The following CPEB3 variants were observed in gnomAD, a reference collection of about 807,000 sequenced individuals.
The protein encoded by CPEB3 is cytoplasmic polyadenylation element-binding protein 3.
In CPEB3, 20 loss-of-function variants were observed where a neutral mutation model predicts 67.2. The observed-to-expected ratio is 0.30, with a 90% CI of 0.21 to 0.43. The LOEUF (loss-of-function observed/expected upper bound fraction) is 0.43. CPEB3 is among the 20% of genes least tolerant of loss of function. CPEB3 has a pLI of 1.00. For synonymous variants in CPEB3, 376 were observed against 393.1 expected (o/e 0.96, Z 0.51); for missense variants, 746 against 968.6 (o/e 0.77, Z 3.05).
chr10:92,149,223 G>A (rs1019176173), intron 4 of CPEB3, among the ~76,000 whole-genome samples: 3 of 152,088 alleles, frequency 2.0e-5, no homozygotes, highest in Non-Finnish European at 2.9e-5. Context: ...TATTTTGAAC[G>A]ACACTAACTC....
chr10:92,175,459 G>A (rs1215363002), intron 4 of CPEB3, among the ~76,000 whole-genome samples: 1 of 151,882 alleles, frequency 6.6e-6, no homozygotes, highest in Non-Finnish European at 1.5e-5. Flanking sequence ...TAAATTCCCA[G>A]GAGAACTCCC....
In CPEB3 at chr10:92,075,281, C is replaced by T. The variant is rs1842891944; in HGVS notation, c.1869+6039G>A. 3.9e-5 allele frequency among the ~76,000 whole-genome samples: 6 copies of T among 152,136 alleles called. No individual in the cohort carries two copies. The South Asian group carries it at 1.2e-3, about 31-fold the overall frequency. Reference sequence around the variant, plus strand: ...GAGCACAGGTTAAATAAGTAGGATCCTCTCTATATTATGAGCTGAATAATT... The same window carrying T: ...GAGCACAGGTTAAATAAGTAGGATCTTCTCTATATTATGAGCTGAATAATT... On this transcript the variant is annotated intron_variant, in intron 9 of 9. Transcript: ENST00000265997.
At chr10:92,275,267 G>GT (rs1841928305) in intron 1 of CPEB3, among the ~76,000 whole-genome samples, 1 of 152,154 alleles carries the variant, frequency 6.6e-6, no homozygotes, top group Admixed American at 6.6e-5. Flanking sequence ...TCAGACGCCT[G>GT]TAACATCCCT....
At chr10:92,255,491 C>T (rs1229073713) in intron 1 of CPEB3, among the ~76,000 whole-genome samples, 11 of 152,188 alleles carry the variant, frequency 7.2e-5, no homozygotes, top group Admixed American at 6.5e-4. Context: ...AAGATGCCTT[C>T]CCAAGATTCC....
chr10:92,147,505 C>T (rs1313972126), intron 4 of CPEB3, among the ~76,000 whole-genome samples: 1 of 151,962 alleles, frequency 6.6e-6, no homozygotes, highest in African/African-American at 2.4e-5. Flanking sequence ...TTAAAGGAAC[C>T]CTTTACCATA....
intron 7 of CPEB3, among the ~76,000 whole-genome samples, chr10:92,095,465 CTCTTAAA>C (rs1487176699): frequency 6.6e-6 from 1 of 151,886 alleles, no homozygotes; most frequent in Non-Finnish European, 1.5e-5. Context: ...TCTGGTTTCT[CTCTTAAA>C]TCTAAGCCCA....
rs576097680 is a variant in CPEB3 at position 92,145,403 on chromosome 10, C to T, written c.1223-318G>A. On this transcript the variant is annotated intron_variant, in intron 4 of 9. Coordinates refer to ENST00000265997, the MANE Select transcript of CPEB3 (RefSeq NM_014912.5). Reference sequence around the variant, plus strand: ...CAGCACTTTGGGAGGCTGAGGTGGGCGCATCACCTGAGGTCAGGAGTTCGA... The same window carrying T: ...CAGCACTTTGGGAGGCTGAGGTGGGTGCATCACCTGAGGTCAGGAGTTCGA... Among the ~76,000 whole-genome samples the T allele has an allele frequency of 8.5e-5, 13 of 152,098 alleles. No individual in the cohort carries two copies. The South Asian group carries it at 2.5e-3, about 29-fold the overall frequency.
At chr10:92,223,862 C>T (rs914118170) in intron 2 of CPEB3, among the ~76,000 whole-genome samples, 14 of 151,908 alleles carry the variant, frequency 9.2e-5, no homozygotes, top group Non-Finnish European at 1.6e-4. Context: ...AATTCTCCTG[C>T]CTCAGCCTCC....
chr10:92,242,023 A>C (rs1167448222), intron 1 of CPEB3, among the ~76,000 whole-genome samples: 1 of 152,254 alleles, frequency 6.6e-6, no homozygotes, highest in Non-Finnish European at 1.5e-5. Flanking sequence ...AATTATTGTT[A>C]AAATCAACAT....
chr10:92,146,527 C>G (rs1322531268), intron 4 of CPEB3, among the ~76,000 whole-genome samples: 1 of 151,758 alleles, frequency 6.6e-6, no homozygotes, highest in Non-Finnish European at 1.5e-5. Context: ...GTCACAACAG[C>G]CAACTCTAAA....
At chr10:92,191,209 C>T (rs1032019249) in intron 3 of CPEB3, among the ~76,000 whole-genome samples, 2 of 151,918 alleles carry the variant, frequency 1.3e-5, no homozygotes, top group East Asian at 1.9e-4. Context: ...TGAGAACAGC[C>T]TGGCCAACAT....
chr10:92,147,480 A>G (rs1298549894), intron 4 of CPEB3, among the ~76,000 whole-genome samples: 2 of 152,010 alleles, frequency 1.3e-5, no homozygotes, highest in Non-Finnish European at 2.9e-5. Context: ...AACTTACTCC[A>G]GCATTACCCA....
chr10:92,145,276 C>T (rs112822404), intron 4 of CPEB3, among the ~76,000 whole-genome samples, 191 bp from the exon 5 acceptor site: 22 of 152,190 alleles, frequency 1.4e-4, no homozygotes, highest in African/African-American at 4.6e-4. Flanking sequence ...AACTTTTTAT[C>T]ATCATTTTTG....
In CPEB3 at chr10:92,240,137, G is replaced by C; in HGVS notation, c.214C>G (p.Gln72Glu). 6.4e-7 allele frequency: 1 copy of C among 1,569,914 alleles called. No homozygotes were observed. The highest frequency in any genetic ancestry group is 2.3e-5 in the East Asian group (1 of 42,862). Reference sequence around the variant, plus strand: ...CCTGGCAGGAGCGGTGATTCCATCTGCATCTTGTCCGGGCCGTTGGGGGCC... The same window carrying C: ...CCTGGCAGGAGCGGTGATTCCATCTCCATCTTGTCCGGGCCGTTGGGGGCC... ...PPAPNGPDKM[Q>E]MESPLLPGLS... The change falls in exon 2 of 10, where the codon CAG (glutamine) becomes GAG (glutamate). Residue 72 changes from glutamine (Q) to glutamate (E), a missense_variant. By Grantham distance (29) the Gln-to-Glu change is conservative. Transcript: ENST00000265997.
chr10:92,228,031 C>T (rs1021895054), intron 2 of CPEB3, among the ~76,000 whole-genome samples: 1 of 152,110 alleles, frequency 6.6e-6, no homozygotes, highest in Admixed American at 6.6e-5. Flanking sequence ...GGACTACAGA[C>T]GTGCACCACC....
At chr10:92,180,435 C>T (rs1848411506) in intron 4 of CPEB3, among the ~76,000 whole-genome samples, 1 of 152,148 alleles carries the variant, frequency 6.6e-6, no homozygotes, top group Non-Finnish European at 1.5e-5. Flanking sequence ...CTTCACCTAC[C>T]TCCTTCATTC....
At chr10:92,195,046 AACACACACAC>A (rs371911549) in intron 2 of CPEB3, among the ~76,000 whole-genome samples, 94 of 117,152 alleles carry the variant, frequency 8.0e-4, no homozygotes, top group South Asian at 2.9e-3. Context: ...TGTCTCAAAA[AACACACACAC>A]ACACACACAC....
intron 9 of CPEB3, among the ~76,000 whole-genome samples, chr10:92,065,926 T>A (rs1210086254): frequency 5.3e-5 from 8 of 151,706 alleles, no homozygotes; most frequent in African/African-American, 1.9e-4. Context: ...AGACCCCCCC[T>A]CTCTATCAAA....
At chr10:92,232,053 A>AT (rs759526286) in intron 2 of CPEB3, among the ~76,000 whole-genome samples, 1,806 of 131,454 alleles carry the variant, frequency 0.014, 15 homozygotes, top group Middle Eastern at 0.025. Flanking sequence ...ACAAAGCATA[A>AT]TTTTTTTTTT....
Sources: gnomAD v4.1 joint callset for allele counts (sites outside exome capture counted in the v4.1 genomes callset) on GRCh38, gnomAD v4.1.1 for gene constraint, MANE v1.5 for transcripts, NCBI Gene and HGNC (gene_info 2026-07-23, HGNC 2026-07-21) for gene names.